Variants in ZNF695 observed in about 807,000 individuals in gnomAD.
ZNF695 encodes the protein zinc finger protein SBZF3.
In ZNF695, 11 loss-of-function variants were observed where a neutral mutation model predicts 11.2. That is an observed-to-expected ratio of 0.98 (90% confidence interval 0.62 to 1.62). The LOEUF (loss-of-function observed/expected upper bound fraction) is 1.62, where lower values mean the gene tolerates loss of function less well. Ranked by LOEUF, ZNF695 falls within the 40% of genes most tolerant of loss-of-function variation. ZNF695 has a pLI of 0.00. For missense variants in ZNF695, 559 were observed against 590.5 expected (o/e 0.95, Z 0.55); for synonymous variants, 190 against 201.4 (o/e 0.94, Z 0.48).
chr1:246,997,904 G>A (rs765644432), intron 3 of ZNF695, among the ~76,000 whole-genome samples: 85 of 152,160 alleles, frequency 5.6e-4, no homozygotes, highest in Admixed American at 1.4e-3. Flanking sequence ...GTAGGAAAAT[G>A]GAAGATGGTA....
At chr1:246,969,988 G>A (rs1384148342) in intron 4 of ZNF695, among the ~76,000 whole-genome samples, 3 of 152,166 alleles carry the variant, frequency 2.0e-5, no homozygotes, top group Admixed American at 6.5e-5. Context: ...GGGTGGGAAC[G>A]CAGAGCCAAA....
chr1:246,947,206 GT>G (rs60695921), intron 5 of ZNF695, among the ~76,000 whole-genome samples: 6 of 124,988 alleles, frequency 4.8e-5, no homozygotes, highest in South Asian at 2.5e-4. Context: ...TGGGGGGGTG[GT>G]TTTTTTTTTA....
rs565137940 is a variant in ZNF695, at chr1:246,958,491, G to T, written c.488+9204C>A. Among the ~76,000 whole-genome samples, 9 of 152,204 alleles carry T rather than the reference G, an allele frequency of 5.9e-5. No homozygotes were observed. In the East Asian group the frequency reaches 1.7e-3, roughly 29 times the overall value. ...TTCTCTCTTGGGATCCTTACCCTTA[G>T]AACTCAGCCATCACATAGTAAGGAG... On this transcript the variant is annotated intron_variant, in intron 5 of 5. Transcript: ENST00000487338.
At chr1:246,982,201 C>T (rs951023210), downstream of ZNF695, among the ~76,000 whole-genome samples, 11 of 138,420 alleles carry the variant, frequency 7.9e-5, no homozygotes, top group African/African-American at 2.9e-4. Flanking sequence ...ACCTGGGAGG[C>T]GGAGGTTGCG....
chr1:247,006,079 G>C (rs1232210953), intron 1 of ZNF695, among the ~76,000 whole-genome samples: 1 of 151,750 alleles, frequency 6.6e-6, no homozygotes, highest in Non-Finnish European at 1.5e-5. Flanking sequence ...CCAAAAATTA[G>C]CCAGGCATAG....
chr1:246,989,390 T>C lies in ZNF695; in HGVS notation c.260-1135A>G, dbSNP rs1668959022. On this transcript the variant is annotated intron_variant, in intron 3 of 3. Transcript: ENST00000339986. ...GTACTAAGCTAAGGCGTAGAGTTTT[T>C]ATTAGTTTTCTTTTCACTTGCTTTT... is the stretch of plus-strand genomic sequence containing the variant. 3.3e-5 allele frequency among the ~76,000 whole-genome samples: 5 copies of C among 152,356 alleles called. No homozygotes were observed. The South Asian group carries it at 1.0e-3, about 32-fold the overall frequency.
chr1:246,963,788 A>C (rs1442968304), intron 5 of ZNF695, among the ~76,000 whole-genome samples: 1 of 152,138 alleles, frequency 6.6e-6, no homozygotes, highest in Non-Finnish European at 1.5e-5. Flanking sequence ...TCTACAATTT[A>C]ACTCAATCCT....
chr1:246,972,325 A>C (rs1474659323), intron 4 of ZNF695, among the ~76,000 whole-genome samples: 1 of 150,956 alleles, frequency 6.6e-6, no homozygotes, highest in Admixed American at 6.6e-5. Flanking sequence ...TCCCACAGCA[A>C]CCCCCCAAGT....
intron 5 of ZNF695, among the ~76,000 whole-genome samples, chr1:246,960,086 C>A (rs1459092364): frequency 6.6e-6 from 1 of 152,078 alleles, no homozygotes; most frequent in African/African-American, 2.4e-5. Context: ...ATTGAAAAAC[C>A]CAGTTGAGAA....
chr1:246,980,940 A>G (rs963438477), downstream of ZNF695, among the ~76,000 whole-genome samples: 3 of 152,240 alleles, frequency 2.0e-5, no homozygotes, highest in Non-Finnish European at 4.4e-5. Context: ...GCTTCTGTAC[A>G]GCACCAGCTA....
At chr1:246,960,905 T>A (rs1668146961) in intron 5 of ZNF695, among the ~76,000 whole-genome samples, 2 of 152,144 alleles carry the variant, frequency 1.3e-5, no homozygotes, top group Non-Finnish European at 2.9e-5. Context: ...GTGGAGACCC[T>A]GTCTCAAACA....
chr1:246,991,974 T>C (rs932890461), intron 3 of ZNF695, among the ~76,000 whole-genome samples: 4 of 151,898 alleles, frequency 2.6e-5, no homozygotes, highest in Admixed American at 6.6e-5. Flanking sequence ...GGTGGGCAGA[T>C]CACAAGGTCA....
chr1:246,982,270 CAAAAAAAAA>C (rs11397736), downstream of ZNF695, among the ~76,000 whole-genome samples: 2 of 111,236 alleles, frequency 1.8e-5, no homozygotes, highest in South Asian at 6.0e-4. Context: ...AACTTAGTCT[CAAAAAAAAA>C]AAAAAAAAAG....
In ZNF695 at chr1:246,985,892, AC is replaced by A; in HGVS notation, c.*1074del. 8 of 985,236 alleles carry A rather than the reference AC, an allele frequency of 8.1e-6. No individual in the cohort carries two copies. Among genetic ancestry groups the A allele is most frequent in the Non-Finnish European group, 9.6e-6 (8 of 829,920 alleles). The allele number at this position is 985,236 out of a possible 1,614,324, so 61.0% of individuals were successfully genotyped here. A position where few individuals can be genotyped will look rare whatever the true frequency, so the allele number is the denominator to read the frequency against. ...AAAGAAAAGGATATGAACAACACCC[AC>A]CCGAATATAGAAGAAACTCTCACAG... On this transcript the variant is annotated 3_prime_UTR_variant, in exon 4 of 4. Coordinates refer to ENST00000339986, the MANE Select transcript of ZNF695 (RefSeq NM_020394.5).
At chr1:246,992,429 G>A (rs1480109873) in intron 3 of ZNF695, among the ~76,000 whole-genome samples, 3 of 152,034 alleles carry the variant, frequency 2.0e-5, no homozygotes, top group African/African-American at 4.8e-5. Context: ...GGGGGAGGTG[G>A]GGATGGTTAA....
Position 246,987,393 on chromosome 1 carries a change from A to G in ZNF695, c.1122T>C (p.His374=). The change falls in exon 4 of 4, where the codon CAT becomes CAC. Residue 374 remains histidine (H), a synonymous_variant. Transcript: ENST00000339986. ...CACATTTGTATGGTTTCTCACCAGTATGAATTCTCCTATGTTCAGTCAGAT... is the reference window on the plus strand; with the variant it reads ...CACATTTGTATGGTTTCTCACCAGTGTGAATTCTCCTATGTTCAGTCAGAT... ...SSHLTEHRRI[H]TGEKPYKCEE... 1 of 1,613,268 alleles carries G rather than the reference A, an allele frequency of 6.2e-7. No individual in the cohort carries two copies.
chr1:246,966,208 G>T (rs1371568315), intron 5 of ZNF695, among the ~76,000 whole-genome samples: 1 of 152,080 alleles, frequency 6.6e-6, no homozygotes, highest in Non-Finnish European at 1.5e-5. Context: ...TCAAAGTGAG[G>T]TCGGGCGCGG....
Position 246,949,601 on chromosome 1 carries a change from A to AG in ZNF695, c.489-3775_489-3774insC, listed in dbSNP as rs972334061. ...GCAAGACCCTGTCTCAAAAAAAAAG[A>AG]AAAAAAAAAAAAGAGCTCTATCTCT... On this transcript the variant is annotated intron_variant, in intron 5 of 5. Transcript: ENST00000487338. Among the ~76,000 whole-genome samples the AG allele has an allele frequency of 7.0e-5, 10 of 142,782 alleles. No homozygotes were observed. The South Asian group carries it at 1.1e-3, about 16-fold the overall frequency. 93.7% of individuals were successfully genotyped at this position (142,782 alleles called of 152,430 possible).
At chr1:247,004,891 A>G (rs1431480094) in intron 1 of ZNF695, among the ~76,000 whole-genome samples, 1 of 152,250 alleles carries the variant, frequency 6.6e-6, no homozygotes, top group East Asian at 1.9e-4. Context: ...GATTTCAACA[A>G]CAGAAACTAT....
Sources: gnomAD v4.1 joint callset for allele counts (sites outside exome capture counted in the v4.1 genomes callset) on GRCh38, gnomAD v4.1.1 for gene constraint, MANE v1.5 for transcripts, NCBI Gene and HGNC (gene_info 2026-07-23, HGNC 2026-07-21) for gene names.